Variants in TMEM233 observed in about 807,000 individuals in gnomAD.
TMEM233 encodes the protein dispanin subfamily B member 2.
TMEM233 carries 6 observed loss-of-function variants against 11.2 expected under a neutral mutation model. The observed-to-expected ratio is 0.54, with a 90% CI of 0.29 to 1.06. The LOEUF is 1.06. TMEM233 is among the 50% of genes least tolerant of loss of function. The pLI is 0.08. For synonymous variants in TMEM233, 59 were observed against 55.8 expected (o/e 1.06, Z -0.26); for missense variants, 127 against 144.7 (o/e 0.88, Z 0.63).
Position 119,594,073 on chromosome 12 carries a change from A to AC in TMEM233, c.186+42dup. ...GGCCAGAGGCAGCCTGGGAGGAGAG[A>AC]CCCGGGCGGCTTTGAGCCCCTGCAG... On this transcript the variant is annotated intron_variant, in intron 1 of 2. Transcript: ENST00000426426. This position sits in a 1 kb window ranked among gnomAD's most constrained non-coding sequence, Gnocchi z 5.6. 1 of 1,543,264 alleles carries AC rather than the reference A, an allele frequency of 6.5e-7. No individual in the cohort carries two copies.
chr12:119,647,897 G>A (rs954898124), downstream of TMEM233, among the ~76,000 whole-genome samples: 1 of 147,712 alleles, frequency 6.8e-6, no homozygotes, highest in Non-Finnish European at 1.5e-5. Context: ...AACTTTTAAT[G>A]ATACCCCGCA....
chr12:119,608,937 T>C (rs919145217), intron 1 of TMEM233, among the ~76,000 whole-genome samples: 2 of 152,056 alleles, frequency 1.3e-5, no homozygotes, highest in East Asian at 3.9e-4. Context: ...AATGAATTAA[T>C]AGAGTAAACT....
Position 119,609,626 on chromosome 12 carries a change from A to G in TMEM233, c.186+15592A>G, listed in dbSNP as rs567949104. 3.3e-5 allele frequency among the ~76,000 whole-genome samples: 5 copies of G among 152,334 alleles called. No homozygotes were observed. The South Asian group carries it at 1.0e-3, about 32-fold the overall frequency. On this transcript the variant is annotated intron_variant, in intron 1 of 2. Coordinates refer to ENST00000426426, the MANE Select transcript of TMEM233 (RefSeq NM_001136534.3). Reference sequence around the variant, plus strand: ...CATCCAAGCTGCTTCAGCTCCAGCCATGACCAAAAGGGGACAAAGTATAGC... The same window carrying G: ...CATCCAAGCTGCTTCAGCTCCAGCCGTGACCAAAAGGGGACAAAGTATAGC...
At chr12:119,606,014 A>G (rs936448432) in intron 1 of TMEM233, among the ~76,000 whole-genome samples, 1 of 152,220 alleles carries the variant, frequency 6.6e-6, no homozygotes, top group Admixed American at 6.5e-5. Flanking sequence ...CTGGAAGCCC[A>G]GTCTCAGAAT....
At chr12:119,646,739 C>G (rs1195734493), downstream of TMEM233, among the ~76,000 whole-genome samples, 2 of 152,164 alleles carry the variant, frequency 1.3e-5, no homozygotes, top group African/African-American at 4.8e-5. Context: ...ATTTAGGGAC[C>G]CTTGTCATTA....
At chr12:119,650,770 G>A in the TMEM233 span, among the ~76,000 whole-genome samples, 1 of 152,180 alleles carries the variant, frequency 6.6e-6, no homozygotes, top group African/African-American at 2.4e-5. Context: ...AGCCTCCCCA[G>A]TAGCTGGGAT....
In TMEM233 at chr12:119,594,900, GT is replaced by G. The variant is rs887188059; in HGVS notation, c.186+867del. Among the ~76,000 whole-genome samples, 8 of 152,000 alleles carry G rather than the reference GT, an allele frequency of 5.3e-5. No individual in the cohort carries two copies. The highest frequency in any genetic ancestry group is 1.9e-4 in the African/African-American group (8 of 41,400). ...TGGCCCTAACCTCTCTTCTCTTGGTGTCCCCCAGAGCTCCCAGGCGCCCCTC... is the reference window on the plus strand; with the variant it reads ...TGGCCCTAACCTCTCTTCTCTTGGTGCCCCCAGAGCTCCCAGGCGCCCCTC... On this transcript the variant is annotated intron_variant, in intron 1 of 2. Coordinates refer to ENST00000426426, the MANE Select transcript of TMEM233 (RefSeq NM_001136534.3). This position sits in a 1 kb window ranked among gnomAD's most constrained non-coding sequence, Gnocchi z 5.6.
At chr12:119,653,587 A>T in the TMEM233 span, among the ~76,000 whole-genome samples, 1 of 151,982 alleles carries the variant, frequency 6.6e-6, no homozygotes, top group Non-Finnish European at 1.5e-5. Flanking sequence ...TGAAGAGGTG[A>T]TGAGTTTCAT....
At chr12:119,613,942 C>T (rs889763689) in intron 1 of TMEM233, among the ~76,000 whole-genome samples, 5 of 151,830 alleles carry the variant, frequency 3.3e-5, no homozygotes, top group African/African-American at 1.2e-4. Context: ...AGGAGATGAC[C>T]TGGACACAGA....
chr12:119,653,378 CGA>C, the TMEM233 span, among the ~76,000 whole-genome samples: 1 of 104,870 alleles, frequency 9.5e-6, no homozygotes, highest in Non-Finnish European at 1.7e-5. Flanking sequence ...GGTGACAGAG[CGA>C]GACGCCACCT....
rs142675926 is a variant in TMEM233, at chr12:119,634,218, C to G, written c.323+4346C>G. 189 of 985,226 alleles carry G rather than the reference C, an allele frequency of 1.9e-4. 2 individuals carry two copies. In the East Asian group the frequency reaches 0.018, roughly 96 times the overall value. 61.0% of individuals were successfully genotyped at this position (985,226 alleles called of 1,614,324 possible). On this transcript the variant is annotated intron_variant, in intron 2 of 2. Transcript: ENST00000426426. The stretch of plus-strand genomic sequence containing the variant: ...GAGCCTCCTTTGTAACAATCTATTT[C>G]CACAGAGGGGCTGGAAAATCTGACA...
intron 1 of TMEM233, among the ~76,000 whole-genome samples, chr12:119,602,435 A>G (rs1052897611): frequency 1.3e-5 from 2 of 152,214 alleles, no homozygotes; most frequent in African/African-American, 2.4e-5. Context: ...GCGTATTAAA[A>G]TTACAGACCC....
chr12:119,629,635 C>T, intron 1 of TMEM233, 101 bp from the exon 2 acceptor site: 4 of 1,266,212 alleles, frequency 3.2e-6, no homozygotes, highest in Non-Finnish European at 4.3e-6. Context: ...GCAAAGTCAC[C>T]AGAGAGCTCT....
chr12:119,616,189 G>A (rs1319776769), intron 1 of TMEM233, among the ~76,000 whole-genome samples: 9 of 152,254 alleles, frequency 5.9e-5, no homozygotes, highest in Middle Eastern at 3.4e-3. Context: ...CTGTTATTCC[G>A]TTTTGCCAAC....
At chr12:119,630,920 A>G (rs1954866594) in intron 2 of TMEM233, among the ~76,000 whole-genome samples, 1 of 152,350 alleles carries the variant, frequency 6.6e-6, no homozygotes, top group East Asian at 1.9e-4. Context: ...GGTATTGACA[A>G]GGAGCTCTCA....
intron 2 of TMEM233, 150 bp from the exon 3 acceptor site, chr12:119,640,548 GA>G: frequency 1.3e-6 from 1 of 769,888 alleles, no homozygotes; most frequent in Non-Finnish European, 2.2e-6. Context: ...CCCCTGCTTA[GA>G]GTCAAAAGTG....
At chr12:119,611,543 G>GAT (rs10542488) in intron 1 of TMEM233, among the ~76,000 whole-genome samples, 8,426 of 150,302 alleles carry the variant, frequency 0.056, 247 homozygotes, top group East Asian at 0.075. Context: ...TTGAGTTTAA[G>GAT]ATATATATAT....
Position 119,594,984 on chromosome 12 carries a change from A to G in TMEM233, c.186+950A>G, listed in dbSNP as rs115418912. ...GGAATGAACTAGGGGATTCCACGCAACGTGCGGCTCCGCCCGCCCTCTGCG... is the reference window on the plus strand; with the variant it reads ...GGAATGAACTAGGGGATTCCACGCAGCGTGCGGCTCCGCCCGCCCTCTGCG... On this transcript the variant is annotated intron_variant, in intron 1 of 2. Coordinates refer to ENST00000426426, the MANE Select transcript of TMEM233 (RefSeq NM_001136534.3). The surrounding 1 kb of genome is among the most constrained non-coding windows in gnomAD (Gnocchi z 5.6). Among the ~76,000 whole-genome samples, 1,163 of 152,178 alleles carry G rather than the reference A, an allele frequency of 7.6e-3. 15 individuals carry two copies. Among genetic ancestry groups the G allele is most frequent in the African/African-American group, 0.027 (1,119 of 41,520 alleles).
chr12:119,638,795 G>C (rs1270782866), intron 2 of TMEM233, among the ~76,000 whole-genome samples: 1 of 152,138 alleles, frequency 6.6e-6, no homozygotes, highest in Non-Finnish European at 1.5e-5. Context: ...CCAGCACTTT[G>C]GGAGGCCGAG....
Sources: allele counts gnomAD v4.1 joint callset (sites outside exome capture counted in the v4.1 genomes callset), GRCh38; gene constraint gnomAD v4.1.1; non-coding constraint Gnocchi (gnomAD v3.1); transcripts MANE v1.5; gene names NCBI Gene and HGNC (gene_info 2026-07-23, HGNC 2026-07-21).